The following C6 variants were observed in gnomAD, a reference collection of about 807,000 sequenced individuals.
The protein encoded by C6 is complement C6.
A neutral mutation model predicts 112.9 loss-of-function variants in C6; 101 were observed. The observed-to-expected ratio is 0.89, with a 90% confidence interval of 0.76 to 1.06. The LOEUF is 1.06. Ranked by LOEUF, C6 falls within the 50% of genes least tolerant of loss-of-function variation. The probability of loss-of-function intolerance (pLI) is 0.00; values close to 1 mark genes in which losing one functional copy is unlikely to be tolerated. For synonymous variants in C6, 431 were observed against 384.1 expected, an observed-to-expected ratio of 1.12 and a Z score of -1.43; for missense variants, 1,202 against 1,104.6, an observed-to-expected ratio of 1.09 and a Z score of -1.25.
chr5:41,195,759 T>C (rs1750562257), intron 5 of C6, 33 bp downstream of exon 5: 1 of 1,608,806 alleles, frequency 6.2e-7, no homozygotes, highest in South Asian at 1.1e-5. Context: ...CTGATACCTG[T>C]TCTCCCCAAG....
At chr5:41,231,074 G>A (rs1739867652) in intron 1 of C6, among the ~76,000 whole-genome samples, 1 of 151,870 alleles carries the variant, frequency 6.6e-6, no homozygotes, top group Non-Finnish European at 1.5e-5. Context: ...TTCAATCTAT[G>A]TGCATCTTTA....
chr5:41,257,158 C>A (rs965243041), intron 1 of C6, among the ~76,000 whole-genome samples: 3 of 151,960 alleles, frequency 2.0e-5, no homozygotes, highest in African/African-American at 7.3e-5. Context: ...AGTTTTTTGA[C>A]CTTTACACTC....
chr5:41,182,430 C>G (rs1749431154), intron 6 of C6, among the ~76,000 whole-genome samples: 1 of 152,132 alleles, frequency 6.6e-6, no homozygotes, highest in Non-Finnish European at 1.5e-5. Context: ...TGTAACCTAA[C>G]TTGTCTTGAT....
chr5:41,250,215 C>A (rs369709961), intron 1 of C6, among the ~76,000 whole-genome samples: 4 of 152,190 alleles, frequency 2.6e-5, no homozygotes, highest in African/African-American at 9.6e-5. Context: ...CCACTCTCAC[C>A]CTAGGCTTGA....
chr5:41,231,163 G>A (rs78252656), intron 1 of C6, among the ~76,000 whole-genome samples: 6,682 of 151,998 alleles, frequency 0.044, 173 homozygotes, highest in Non-Finnish European at 0.061. Flanking sequence ...TATCCACTTA[G>A]CTACTCTTTT....
chr5:41,206,179 AC>A (rs1580190069), intron 1 of C6, among the ~76,000 whole-genome samples: 1 of 152,230 alleles, frequency 6.6e-6, no homozygotes, highest in East Asian at 1.9e-4. Flanking sequence ...AGGAAAACTA[AC>A]AAACATAAAG....
intron 6 of C6, among the ~76,000 whole-genome samples, chr5:41,182,829 C>T (rs1749460618): frequency 6.6e-6 from 1 of 152,204 alleles, no homozygotes; most frequent in Non-Finnish European, 1.5e-5. Context: ...ATCACTATGA[C>T]TTCAGCCATA....
Position 41,201,666 on chromosome 5 carries a change from A to C in C6, c.192T>G (p.Ile64Met), listed in dbSNP as rs770778403. 1.9e-6 allele frequency: 3 copies of C among 1,613,524 alleles called. No homozygotes were observed. The highest frequency in any genetic ancestry group is 8.5e-7 in the Non-Finnish European group (1 of 1,179,822). Residue 64 changes from isoleucine (I) to methionine (M), a missense_variant, in exon 3 of 18, where the codon ATT (isoleucine) becomes ATG (methionine). By Grantham distance (10) the Ile-to-Met change is conservative. Transcript: ENST00000337836. ...ATTCTCTAGTCTCCTGCTTGCTGCA[A>C]ATCTGTTCACAAAAGTTTTCCTGGT... ...KYYQENFCEQICSKQETRECN... is the reference protein window; with the variant it reads ...KYYQENFCEQMCSKQETRECN...
At chr5:41,253,944 C>T (rs1741519597) in intron 1 of C6, among the ~76,000 whole-genome samples, 1 of 152,076 alleles carries the variant, frequency 6.6e-6, no homozygotes, top group Admixed American at 6.5e-5. Context: ...TATAACATTC[C>T]AAGTTCTCTA....
chr5:41,231,117 A>C (rs551149366), intron 1 of C6, among the ~76,000 whole-genome samples: 1 of 152,252 alleles, frequency 6.6e-6, no homozygotes, highest in Non-Finnish European at 1.5e-5. Flanking sequence ...GACAGCCTAC[A>C]GTTGGATCTT....
intron 5 of C6, among the ~76,000 whole-genome samples, chr5:41,193,940 T>A (rs1284917571): frequency 6.6e-6 from 1 of 151,902 alleles, no homozygotes; most frequent in African/African-American, 2.4e-5. Flanking sequence ...AGAGGACTGG[T>A]TGTCCCGAGC....
Position 41,149,394 on chromosome 5 carries a change from A to G in C6, c.2470T>C (p.Leu824=). The stretch of plus-strand genomic sequence containing the variant: ...AGAAAATGGAGTTGCTGATTATTTA[A>G]ACATTTCTCAGCCAAAAACTTACAA... ...PACKFLAEKC[L]NNQQLHFLHI... is the part of the protein sequence containing the mutation. Residue 824 remains leucine (L), a synonymous_variant, in exon 17 of 18, where the codon TTA becomes CTA. Transcript: ENST00000337836. 4 of 1,614,108 alleles carry G rather than the reference A, an allele frequency of 2.5e-6. No individual in the cohort carries two copies. Among genetic ancestry groups the G allele is most frequent in the Non-Finnish European group, 3.4e-6 (4 of 1,179,976 alleles).
chr5:41,145,562 A>G (rs1729291304), intron 17 of C6, among the ~76,000 whole-genome samples: 1 of 152,224 alleles, frequency 6.6e-6, no homozygotes, highest in African/African-American at 2.4e-5. Flanking sequence ...TTAGGCAGAC[A>G]TCGATTCTTT....
In C6 at chr5:41,235,238, C is replaced by T. The variant is rs1425916641; in HGVS notation, c.-21+25956G>A. ...CTATCCCTCCCCCCTCCCCCGACCCCACCACAGTCCCCAGAGTGTGATATT... is the reference window on the plus strand; with the variant it reads ...CTATCCCTCCCCCCTCCCCCGACCCTACCACAGTCCCCAGAGTGTGATATT... On this transcript the variant is annotated intron_variant, in intron 1 of 17. Transcript: ENST00000263413. Among the ~76,000 whole-genome samples, 13 of 116,076 alleles carry T rather than the reference C, an allele frequency of 1.1e-4. No individual in the cohort carries two copies. The Admixed American group carries it at 1.2e-3, about 10-fold the overall frequency. The allele number at this position is 116,076 out of a possible 152,430, so 76.2% of individuals were successfully genotyped here.
At chr5:41,158,027 G>A (rs1019855483) in intron 13 of C6, among the ~76,000 whole-genome samples, 1 of 152,246 alleles carries the variant, frequency 6.6e-6, no homozygotes, top group Middle Eastern at 3.4e-3. Context: ...AAAGATTAAT[G>A]TAAAGATATT....
At chr5:41,210,203 T>C (rs1314300082) in intron 1 of C6, among the ~76,000 whole-genome samples, 1 of 152,170 alleles carries the variant, frequency 6.6e-6, no homozygotes, top group African/African-American at 2.4e-5. Flanking sequence ...TTGCACCTTA[T>C]ACAAAAATTA....
intron 6 of C6, among the ~76,000 whole-genome samples, chr5:41,185,233 A>G (rs184213783): frequency 6.6e-6 from 1 of 152,324 alleles, no homozygotes; most frequent in Admixed American, 6.5e-5. Flanking sequence ...ATCAGTATAT[A>G]TTAGATGGTT....
At chr5:41,224,377 G>A (rs1174658653) in intron 1 of C6, among the ~76,000 whole-genome samples, 1 of 152,096 alleles carries the variant, frequency 6.6e-6, no homozygotes, top group Non-Finnish European at 1.5e-5. Flanking sequence ...AAGAAACCCT[G>A]AACCCATTAG....
chr5:41,179,543 T>C (rs1021632430), intron 7 of C6, among the ~76,000 whole-genome samples: 1 of 151,976 alleles, frequency 6.6e-6, no homozygotes, highest in African/African-American at 2.4e-5. Flanking sequence ...TAAGGGAAAG[T>C]GCTAGAGATG....
Sources: gnomAD v4.1 joint callset for allele counts (sites outside exome capture counted in the v4.1 genomes callset) on GRCh38, gnomAD v4.1.1 for gene constraint, MANE v1.5 for transcripts, NCBI Gene and HGNC (gene_info 2026-07-23, HGNC 2026-07-21) for gene names.